The following OTOGL variants were observed in gnomAD, a reference collection of about 807,000 sequenced individuals.
OTOGL encodes otogelin like.
OTOGL carries 285 observed loss-of-function variants against 318.5 expected under a neutral mutation model. The observed-to-expected ratio is 0.89, with a 90% CI of 0.81 to 0.99. The LOEUF (loss-of-function observed/expected upper bound fraction) is 0.99. OTOGL is among the 50% of genes least tolerant of loss of function. OTOGL has a pLI of 0.00. For missense variants in OTOGL, 2,899 were observed against 2,845.6 expected, an observed-to-expected ratio of 1.02 and a Z score of -0.43; for synonymous variants, 987 against 936.5, an observed-to-expected ratio of 1.05 and a Z score of -0.99.
At chr12:80,168,139 T>C (rs1311038990) in intron 1 of OTOGL, among the ~76,000 whole-genome samples, 1 of 152,082 alleles carries the variant, frequency 6.6e-6, no homozygotes, top group Non-Finnish European at 1.5e-5. Context: ...GTATTTTTTG[T>C]AGAGATGATG....
intron 18 of OTOGL, among the ~76,000 whole-genome samples, chr12:80,260,558 T>C (rs1882444763): frequency 6.6e-6 from 1 of 152,170 alleles, no homozygotes. Flanking sequence ...CCAACTTAAG[T>C]AGTTAAAACT....
intron 44 of OTOGL, among the ~76,000 whole-genome samples, chr12:80,342,433 A>G (rs1888841505): frequency 6.6e-6 from 1 of 152,200 alleles, no homozygotes. Context: ...AAATGTCTCC[A>G]GGAGACAGAG....
At chr12:80,370,789 A>G (rs2138094535) in intron 56 of OTOGL, 100 bp downstream of exon 56, 1 of 878,558 alleles carries the variant, frequency 1.1e-6, no homozygotes, top group African/African-American at 1.8e-5. Context: ...GCTTATACAT[A>G]ATGGCGAATG....
At chr12:80,214,315 G>A (rs1877515564) in intron 4 of OTOGL, among the ~76,000 whole-genome samples, 1 of 152,246 alleles carries the variant, frequency 6.6e-6, no homozygotes, top group East Asian at 1.9e-4. Flanking sequence ...GGGGCTTTCT[G>A]CTGTAGGCAG....
At position 80,222,162 on chromosome 12, in the gene OTOGL, G is replaced by A. The variant is rs1878406763; in HGVS notation, c.406G>A (p.Gly136Ser). ...ACAGTATCATTTTGAAACATTCGAT[G>A]GCATCTACTATTACTTCCCAGGAAA... is the stretch of plus-strand genomic sequence containing the variant. Reference protein sequence around the residue: ...WGQYHFETFDGIYYYFPGNCS... With the variant: ...WGQYHFETFDSIYYYFPGNCS... The change falls in exon 7 of 59, where the codon GGC becomes AGC. Residue 136 changes from glycine to serine, a missense_variant. By Grantham distance (56) the Gly-to-Ser change is moderately conservative. Around this residue, in one of 3 missense-constraint regions of OTOGL, gnomAD observed 2,607 missense variants for 2,524.9 expected, o/e 1.03. Transcript: ENST00000547103. 4 of 1,597,566 alleles carry A rather than the reference G, an allele frequency of 2.5e-6. No individual in the cohort carries two copies. In the South Asian group the frequency reaches 4.4e-5, roughly 18 times the overall value.
intron 1 of OTOGL, among the ~76,000 whole-genome samples, chr12:80,109,919 CTTA>C (rs1869724506): frequency 1.3e-5 from 2 of 152,060 alleles, no homozygotes; most frequent in East Asian, 3.9e-4. Context: ...CTTACACACT[CTTA>C]TAATACTTAA....
rs66786755 is a variant in OTOGL, at chr12:80,295,157, CTTTTTTTTTTTTTTTT to C, written c.2929-1656_2929-1641del. Among the ~76,000 whole-genome samples the C allele has an allele frequency of 2.3e-3, 226 of 98,950 alleles. 4 individuals carry two copies. Among genetic ancestry groups the C allele is most frequent in the African/African-American group, 0.011 (224 of 20,650 alleles). 64.9% of individuals were successfully genotyped at this position (98,950 alleles called of 152,430 possible). A position where few individuals can be genotyped will look rare whatever the true frequency, so the allele number is the denominator to read the frequency against. ...AAACACAAACTGTATGATTGCCGAA[CTTTTTTTTTTTTTTTT>C]TTTTTTTTTTTTTAAGACAGAGTCT... On this transcript the variant is annotated intron_variant, in intron 26 of 58. Coordinates refer to ENST00000547103, the MANE Select transcript of OTOGL (RefSeq NM_001378609.3).
At chr12:80,112,705 C>CTTTTTTTTT (rs546093754) in intron 1 of OTOGL, among the ~76,000 whole-genome samples, 2 of 128,642 alleles carry the variant, frequency 1.6e-5, no homozygotes, top group Non-Finnish European at 1.6e-5. Flanking sequence ...CTGAAATTTT[C>CTTTTTTTTT]TTTCTTTTTT....
chr12:80,310,653 C>A lies in OTOGL; in HGVS notation c.3376C>A (p.Gln1126Lys), dbSNP rs876657947. ...DETIKPCEAH[Q>K]NKFPYAKKEC... The stretch of plus-strand genomic sequence containing the variant: ...AACAATTAAACCCTGTGAGGCACAT[C>A]AAAACAAATTTCCTTATGCCAAGAA... The change falls in exon 30 of 59, where the codon CAA becomes AAA. Residue 1126 changes from glutamine to lysine, a missense_variant. By Grantham distance (53) the Gln-to-Lys change is moderately conservative (BLOSUM62 1). Transcript: ENST00000547103. 5.0e-6 allele frequency: 8 copies of A among 1,597,034 alleles called. No homozygotes were observed. The Middle Eastern group carries it at 8.2e-4, about 164-fold the overall frequency.
intron 1 of OTOGL, among the ~76,000 whole-genome samples, chr12:80,134,815 T>C (rs370890726): frequency 1.3e-5 from 2 of 152,314 alleles, no homozygotes; most frequent in East Asian, 1.9e-4. Flanking sequence ...CCAGGACCCA[T>C]AGGCAATTCT....
chr12:80,106,638 T>G (rs149990745), intron 1 of OTOGL, among the ~76,000 whole-genome samples: 3 of 152,298 alleles, frequency 2.0e-5, no homozygotes, highest in African/African-American at 7.2e-5. Context: ...TGTGTGCACA[T>G]GCACACAATC....
At chr12:80,299,356 A>G (rs765269777) in intron 27 of OTOGL, among the ~76,000 whole-genome samples, 10 of 152,214 alleles carry the variant, frequency 6.6e-5, no homozygotes, top group Non-Finnish European at 1.0e-4. Context: ...AAAATAGTAA[A>G]TGGTCTTATA....
Position 80,314,290 on chromosome 12 carries a change from C to A in OTOGL, c.3608-15C>A. The A allele has an allele frequency of 1.0e-6, 1 of 989,840 alleles. No homozygotes were observed. Among genetic ancestry groups the A allele is most frequent in the African/African-American group, 1.7e-5 (1 of 59,456 alleles). 61.3% of individuals were successfully genotyped at this position (989,840 alleles called of 1,614,324 possible). ...CTTCTTACATAGTTTAATATTTATTCTTTTTTTCTTTTAGCACTTGATTGT... is the reference window on the plus strand; with the variant it reads ...CTTCTTACATAGTTTAATATTTATTATTTTTTTCTTTTAGCACTTGATTGT... On this transcript the variant is annotated splice_polypyrimidine_tract_variant and intron_variant, in intron 31 of 58. Coordinates refer to ENST00000547103, the MANE Select transcript of OTOGL (RefSeq NM_001378609.3).
rs1458332319 is a variant in OTOGL at position 80,266,491 on chromosome 12, C to T, written c.2265C>T (p.Ser755=). The T allele has an allele frequency of 1.9e-6, 3 of 1,613,572 alleles. No individual in the cohort carries two copies. The highest frequency in any genetic ancestry group is 2.5e-6 in the Non-Finnish European group (3 of 1,179,720). The change falls in exon 21 of 59, where the codon TCC becomes TCT. Residue 755 remains serine (S), a synonymous_variant. Coordinates refer to ENST00000547103, the MANE Select transcript of OTOGL (RefSeq NM_001378609.3). ...CQKGMLYHHC[S]SFCLHSCISL... The stretch of plus-strand genomic sequence containing the variant: ...AGGGCATGCTGTACCATCACTGTTC[C>T]TCGTTCTGCCTCCATTCCTGCATTT...
intron 7 of OTOGL, 41 bp downstream of exon 7, chr12:80,222,286 T>G (rs772911922): frequency 1.6e-5 from 24 of 1,481,908 alleles, no homozygotes; most frequent in Middle Eastern, 1.7e-4. Flanking sequence ...AAATATTATC[T>G]CTGGAAAAGT....
At position 80,244,578 on chromosome 12, in the gene OTOGL, C is replaced by T. The variant is rs1026798236; in HGVS notation, c.1052+5139C>T. On this transcript the variant is annotated intron_variant, in intron 11 of 58. Coordinates refer to ENST00000547103, the MANE Select transcript of OTOGL (RefSeq NM_001378609.3). Reference sequence around the variant, plus strand: ...CTTAATCCAGTCTATCATTGTTGGACATTTGGGTTGGTTCCAAGTCTTTGC... The same window carrying T: ...CTTAATCCAGTCTATCATTGTTGGATATTTGGGTTGGTTCCAAGTCTTTGC... 1.2e-4 allele frequency among the ~76,000 whole-genome samples: 18 copies of T among 149,298 alleles called. 2 individuals are homozygous for T. Among genetic ancestry groups the T allele is most frequent in the African/African-American group, 4.6e-4 (18 of 39,066 alleles).
chr12:80,136,792 AT>A lies in OTOGL; in HGVS notation c.-20+37195del, dbSNP rs903412989. On this transcript the variant is annotated intron_variant, in intron 1 of 58. Coordinates refer to ENST00000547103, the MANE Select transcript of OTOGL (RefSeq NM_001378609.3). Reference sequence around the variant, plus strand: ...CTCTTCATTCTCTGTTTTTTTCTCTATTTTTTTTAAAATAGTATTTGTCAGC... The same window carrying A: ...CTCTTCATTCTCTGTTTTTTTCTCTATTTTTTTAAAATAGTATTTGTCAGC... 2.8e-4 allele frequency among the ~76,000 whole-genome samples: 43 copies of A among 151,498 alleles called. No individual in the cohort carries two copies. In the Middle Eastern group the frequency reaches 0.01, roughly 36 times the overall value.
intron 14 of OTOGL, among the ~76,000 whole-genome samples, chr12:80,253,967 G>A (rs2137510513): frequency 6.6e-6 from 1 of 152,142 alleles, no homozygotes; most frequent in Non-Finnish European, 1.5e-5. Flanking sequence ...TATTAAATTT[G>A]CTAACTAACA....
chr12:80,108,900 A>T (rs1400542791), intron 1 of OTOGL, among the ~76,000 whole-genome samples: 2 of 130,640 alleles, frequency 1.5e-5, no homozygotes, highest in African/African-American at 6.4e-5. Context: ...ATGTGTATAT[A>T]TATGTGTATA....
Sources: allele counts gnomAD v4.1 joint callset (sites outside exome capture counted in the v4.1 genomes callset), GRCh38; gene constraint gnomAD v4.1.1; regional missense constraint gnomAD v4.1.1; transcripts MANE v1.5; gene names NCBI Gene and HGNC (gene_info 2026-07-23, HGNC 2026-07-21).